Variants in TSPOAP1 observed in about 807,000 individuals in gnomAD.
TSPOAP1 encodes the protein TSPO associated protein 1, also known as peripheral-type benzodiazepine receptor-associated protein 1.
In TSPOAP1, 87 loss-of-function variants were observed where a neutral mutation model predicts 197.0. The ratio of observed to expected loss-of-function variants is 0.44; its 90% CI spans 0.37 to 0.53. The LOEUF is 0.53. Among genes scored for constraint, TSPOAP1 ranks in the 20% least tolerant of loss-of-function variants. The pLI is 0.00. For synonymous variants in TSPOAP1, 913 were observed against 998.9 expected, an observed-to-expected ratio of 0.91 and a Z score of 1.62; for missense variants, 2,174 against 2,411.3, an observed-to-expected ratio of 0.90 and a Z score of 2.06.
At position 58,322,786 on chromosome 17, in the gene TSPOAP1, G is replaced by A. The variant is rs528189988; in HGVS notation, c.1195-10C>T. On this transcript the variant is annotated splice_polypyrimidine_tract_variant and intron_variant, in intron 8 of 31. Transcript: ENST00000343736. The surrounding 1 kb of genome is among the most constrained non-coding windows in gnomAD (Gnocchi z 5.0). Reference sequence around the variant, plus strand: ...CATTCTCCCACTCCACCTGGCGAGGGGGCAGTGACAGGGAGTTGGGTGGGT... The same window carrying A: ...CATTCTCCCACTCCACCTGGCGAGGAGGCAGTGACAGGGAGTTGGGTGGGT... The A allele has an allele frequency of 3.7e-6, 6 of 1,612,322 alleles. No individual in the cohort carries two copies. In the East Asian group the frequency reaches 1.3e-4, roughly 36 times the overall value.
intron 31 of TSPOAP1, chr17:58,303,670 CAG>C (rs1046042912): frequency 2.6e-4 from 40 of 152,324 alleles, no homozygotes; most frequent in African/African-American, 9.6e-4. Flanking sequence ...ATTTTTGAGA[CAG>C]AGTCTTGCTC....
chr17:58,312,820 G>T, intron 16 of TSPOAP1, 98 bp from the exon 17 acceptor site: 1 of 837,596 alleles, frequency 1.2e-6, no homozygotes, highest in East Asian at 2.7e-5. Flanking sequence ...CTGCTAGTGG[G>T]TGATCTTCAG....
Position 58,326,533 on chromosome 17 carries a change from C to G in TSPOAP1, c.442-112G>C. 6.4e-7 allele frequency: 1 copy of G among 1,552,124 alleles called. No individual in the cohort carries two copies. Among genetic ancestry groups the G allele is most frequent in the Non-Finnish European group, 8.7e-7 (1 of 1,144,772 alleles). On this transcript the variant is annotated intron_variant, in intron 2 of 31. Transcript: ENST00000343736. This position sits in a 1 kb window ranked among gnomAD's most constrained non-coding sequence, Gnocchi z 4.7. The stretch of plus-strand genomic sequence containing the variant: ...AGGCTCACAGTGGGGTCCTTGGCAA[C>G]TCTAGGCAGGGGTTCACCCTCTCTG...
At chr17:58,314,872 C>T (rs905471238) in intron 16 of TSPOAP1, among the ~76,000 whole-genome samples, 4 of 152,188 alleles carry the variant, frequency 2.6e-5, no homozygotes, top group African/African-American at 7.2e-5. Flanking sequence ...GCCTAGGTGG[C>T]CCAGACATAG....
rs1970863974 is a variant in TSPOAP1, at chr17:58,305,726, C to A, written c.5258-83G>T. 5 of 1,483,288 alleles carry A rather than the reference C, an allele frequency of 3.4e-6. No homozygotes were observed. The South Asian group carries it at 3.6e-5, about 11-fold the overall frequency. The allele number at this position is 1,483,288 out of a possible 1,614,324, so 91.9% of individuals were successfully genotyped here. A position where few individuals can be genotyped will look rare whatever the true frequency, so the allele number is the denominator to read the frequency against. ...GTCTTCTGCCCCGGACCCCTGCTGACCCCCTGTCACCACCTCCCCACTAGC... is the reference window on the plus strand; with the variant it reads ...GTCTTCTGCCCCGGACCCCTGCTGAACCCCTGTCACCACCTCCCCACTAGC... On this transcript the variant is annotated intron_variant, in intron 27 of 31. Transcript: ENST00000343736.
At chr17:58,308,449 G>A (rs1031328959) in intron 22 of TSPOAP1, 92 bp downstream of exon 22, 46 of 1,475,374 alleles carry the variant, frequency 3.1e-5, no homozygotes, top group Non-Finnish European at 4.1e-5. Context: ...ATGGAGGCAG[G>A]CAGCGTGGAA....
Position 58,311,107 on chromosome 17 carries a change from TG to T in TSPOAP1, c.3187del (p.His1063ThrfsTer166). ...REVVVRTMSPHGESADSIPAP... is the reference protein window; with the variant it reads ...REVVVRTMSPXGESADSIPAP... Reference sequence around the variant, plus strand: ...CGGGATGGAGTCCGCCGACTCCCCGTGGGGCGACATGGTGCGCACGACCACC... The same window carrying T: ...CGGGATGGAGTCCGCCGACTCCCCGTGGGCGACATGGTGCGCACGACCACC... On this transcript the variant is annotated frameshift_variant, in exon 19 of 32. Coordinates refer to ENST00000343736, the MANE Select transcript of TSPOAP1 (RefSeq NM_004758.4). LOFTEE classifies it high-confidence loss of function. 1 of 1,596,352 alleles carries T rather than the reference TG, an allele frequency of 6.3e-7. No individual in the cohort carries two copies. Among genetic ancestry groups the T allele is most frequent in the Non-Finnish European group, 8.5e-7 (1 of 1,172,004 alleles).
chr17:58,324,350 G>T lies in TSPOAP1; in HGVS notation c.942+461C>A, dbSNP rs1004062149. Among the ~76,000 whole-genome samples the T allele has an allele frequency of 1.3e-5, 2 of 152,178 alleles. No homozygotes were observed. Among genetic ancestry groups the T allele is most frequent in the Non-Finnish European group, 2.9e-5 (2 of 68,014 alleles). ...TGCCTAAGCCCCCCGCTCAGTGAGG[G>T]TTGCCTGTACCTGGAGCCGGGGCGG... On this transcript the variant is annotated intron_variant, in intron 5 of 31. Coordinates refer to ENST00000343736, the MANE Select transcript of TSPOAP1 (RefSeq NM_004758.4). The surrounding 1 kb of genome is among the most constrained non-coding windows in gnomAD (Gnocchi z 5.8).
Position 58,322,782 on chromosome 17 carries a change from G to A in TSPOAP1, c.1195-6C>T, listed in dbSNP as rs567207181. 5.8e-5 allele frequency: 93 copies of A among 1,612,446 alleles called. No homozygotes were observed. The East Asian group carries it at 1.1e-3, about 19-fold the overall frequency. ...TCCGCATTCTCCCACTCCACCTGGCGAGGGGGCAGTGACAGGGAGTTGGGT... is the reference window on the plus strand; with the variant it reads ...TCCGCATTCTCCCACTCCACCTGGCAAGGGGGCAGTGACAGGGAGTTGGGT... On this transcript the variant is annotated splice_polypyrimidine_tract_variant and splice_region_variant and intron_variant, in intron 8 of 31. Transcript: ENST00000343736. This position sits in a 1 kb window ranked among gnomAD's most constrained non-coding sequence, Gnocchi z 5.0.
rs781330780 is a variant in TSPOAP1, at chr17:58,308,999, G to A, written c.4273C>T (p.Arg1425Ter). 5.6e-6 allele frequency: 9 copies of A among 1,612,412 alleles called. No individual in the cohort carries two copies. The highest frequency in any genetic ancestry group is 5.9e-6 in the Non-Finnish European group (7 of 1,179,868). ...CTGAGAAGTCGGCTGCAGTGTTCTC[G>A]GGGATCTGGAGGCCGCCTGCGGCTT... Reference protein sequence around the residue: ...PPSRRRPPDPREHCSRLLSNN... With the variant: ...PPSRRRPPDP The change falls in exon 22 of 32, where the codon CGA becomes TGA. Residue 1425 changes from arginine to a stop codon, truncating the protein, a stop_gained. Coordinates refer to ENST00000343736, the MANE Select transcript of TSPOAP1 (RefSeq NM_004758.4). LOFTEE classifies it high-confidence loss of function.
chr17:58,306,930 G>T lies in TSPOAP1; in HGVS notation c.5022C>A (p.Gly1674=). The T allele has an allele frequency of 6.2e-7, 1 of 1,613,128 alleles. No individual in the cohort carries two copies. Among genetic ancestry groups the T allele is most frequent in the Non-Finnish European group, 8.5e-7 (1 of 1,179,988 alleles). Residue 1674 remains glycine, a synonymous_variant, in exon 25 of 32, where the codon GGC becomes GGA. Transcript: ENST00000343736. ...GDKDADGFYQ[G]EGGGRTGYIP... is the part of the protein sequence containing the mutation. ...TGTAGCCTGTCCGGCCCCCACCTTC[G>T]CCCTGGTAGAAGCCATCGGCATCCT...
chr17:58,312,451 G>A lies in TSPOAP1; in HGVS notation c.2370C>T (p.Ala790=), dbSNP rs377373749. The change falls in exon 17 of 32, where the codon GCC becomes GCT. Residue 790 remains alanine (A), a synonymous_variant. Transcript: ENST00000343736. ...PSPEGLGEPP[A]VPYPRRLVVL... ...CCACCAGACGGCGGGGGTAAGGCAC[G>A]GCAGGAGGCTCGCCCAGGCCCTCCG... 8.7e-5 allele frequency: 141 copies of A among 1,612,330 alleles called. No homozygotes were observed. The highest frequency in any genetic ancestry group is 1.3e-4 in the African/African-American group (10 of 74,908).
Position 58,309,385 on chromosome 17 carries a change from T to TGGAGGTGG in TSPOAP1, c.3892-13_3892-6dup, listed in dbSNP as rs1289326177. On this transcript the variant is annotated splice_region_variant and splice_polypyrimidine_tract_variant and intron_variant, in intron 21 of 31. Transcript: ENST00000343736. The surrounding 1 kb of genome is among the most constrained non-coding windows in gnomAD (Gnocchi z 5.0). ...ACAAAAGGGGTCGGGCTGGGACTGG[T>TGGAGGTGG]GGAGGTGGGGAGGTGGGAGTAGAAC... 2 of 1,602,270 alleles carry TGGAGGTGG rather than the reference T, an allele frequency of 1.2e-6. No individual in the cohort carries two copies. Among genetic ancestry groups the TGGAGGTGG allele is most frequent in the Non-Finnish European group, 1.7e-6 (2 of 1,175,580 alleles).
chr17:58,319,899 G>A (rs1420463180), intron 12 of TSPOAP1, among the ~76,000 whole-genome samples: 3 of 152,176 alleles, frequency 2.0e-5, no homozygotes, highest in African/African-American at 7.2e-5. Flanking sequence ...GAGAGGGGAG[G>A]CCCAGTGTCT....
At position 58,307,947 on chromosome 17, in the gene TSPOAP1, A is replaced by G. The variant is rs763982864; in HGVS notation, c.4732-6T>C. On this transcript the variant is annotated splice_region_variant and splice_polypyrimidine_tract_variant and intron_variant, in intron 22 of 31. Transcript: ENST00000343736. ...GCCTCTCCGGTCTCTGTTGCCTGCA[A>G]AAAGAGGGCAACAGATGGCAAAAGT... is the stretch of plus-strand genomic sequence containing the variant. 6.2e-7 allele frequency: 1 copy of G among 1,606,922 alleles called. No homozygotes were observed.
rs2526378 is a variant in TSPOAP1, at chr17:58,326,988, A to G, written c.334-198T>C. Among the ~76,000 whole-genome samples, 76,649 of 151,736 alleles carry G rather than the reference A, an allele frequency of 0.51. 19,747 individuals are homozygous for G. The highest frequency in any genetic ancestry group is 0.6 in the African/African-American group (24,915 of 41,348). ...TCCAGTCCTCCCTGTCCACATAGAC[A>G]CCCCCAAACCTGGCACCCTCCTGCT... On this transcript the variant is annotated intron_variant, in intron 1 of 31. Coordinates refer to ENST00000343736, the MANE Select transcript of TSPOAP1 (RefSeq NM_004758.4). This position sits in a 1 kb window ranked among gnomAD's most constrained non-coding sequence, Gnocchi z 4.7.
Position 58,308,746 on chromosome 17 carries a change from G to A in TSPOAP1, c.4526C>T (p.Ala1509Val), listed in dbSNP as rs146913417. Residue 1509 changes from alanine to valine, a missense_variant, in exon 22 of 32, where the codon GCG becomes GTG. Coordinates refer to ENST00000343736, the MANE Select transcript of TSPOAP1 (RefSeq NM_004758.4). ...GGTGATGCTGATGCCCCCGCTGCCC[G>A]CCTCCTGCTCATCCTCCGAATCATA... Reference protein sequence around the residue: ...IEYDSEDEQEAGSGGISITSS... With the variant: ...IEYDSEDEQEVGSGGISITSS... 303 of 1,612,872 alleles carry A rather than the reference G, an allele frequency of 1.9e-4. No homozygotes were observed. The highest frequency in any genetic ancestry group is 2.4e-4 in the Non-Finnish European group (281 of 1,179,988).
rs769910788 is a variant in TSPOAP1 at position 58,325,644 on chromosome 17, C to T, written c.640G>A (p.Ala214Thr). Residue 214 changes from alanine to threonine, a missense_variant, in exon 4 of 32, where the codon GCC (alanine) becomes ACC (threonine). By Grantham distance (58) the Ala-to-Thr change is moderately conservative (BLOSUM62 0). This residue lies in a region of TSPOAP1 where 1,933 missense variants were observed against 2,139.0 expected (regional missense o/e 0.90). Transcript: ENST00000343736. ...CTGGCTGTCTCACTGAGGTCCCGGGCTCGCTGGCGGGCTAGGGCCTTCCGA... is the reference window on the plus strand; with the variant it reads ...CTGGCTGTCTCACTGAGGTCCCGGGTTCGCTGGCGGGCTAGGGCCTTCCGA... ...LCRKALARQRARDLSETASAL... is the reference protein window; with the variant it reads ...LCRKALARQRTRDLSETASAL... 1.9e-5 allele frequency: 30 copies of T among 1,613,366 alleles called. No individual in the cohort carries two copies. The East Asian group carries it at 4.7e-4, about 25-fold the overall frequency.
chr17:58,311,808 C>T, intron 17 of TSPOAP1, 84 bp downstream of exon 17: 1 of 1,488,428 alleles, frequency 6.7e-7, no homozygotes, highest in Non-Finnish European at 8.9e-7. Flanking sequence ...CCTGATAACG[C>T]AAATAAGATC....
Sources: gnomAD v4.1 joint callset for allele counts (sites outside exome capture counted in the v4.1 genomes callset) on GRCh38, gnomAD v4.1.1 for gene constraint, gnomAD v4.1.1 regional missense constraint, Gnocchi (gnomAD v3.1) non-coding constraint, MANE v1.5 for transcripts, NCBI Gene and HGNC (gene_info 2026-07-23, HGNC 2026-07-21) for gene names.